Variants in MCF2 observed in about 807,000 individuals in gnomAD.
MCF2 encodes MCF.2 cell line derived transforming sequence.
In MCF2, 44 loss-of-function variants were observed where a neutral mutation model predicts 82.5. That is an observed-to-expected ratio of 0.53 (90% CI 0.42 to 0.69). The LOEUF is 0.69. Among genes scored for constraint, MCF2 ranks in the 30% least tolerant of loss-of-function variants. The pLI, the probability that MCF2 is intolerant of heterozygous loss-of-function variation, is 0.00. For synonymous variants in MCF2, 217 were observed against 224.9 expected, an observed-to-expected ratio of 0.96 and a Z score of 0.32; for missense variants, 623 against 663.1, an observed-to-expected ratio of 0.94 and a Z score of 0.66.
intron 5 of MCF2, 129 bp from the exon 9 acceptor site, chrX:139,626,436 G>A (rs996832411): frequency 3.2e-5 from 19 of 586,607 alleles, no homozygotes; most frequent in Non-Finnish European, 5.2e-5. Context: ...TCTACCTATA[G>A]AGACAACCAA....
intron 1 of MCF2, among the ~76,000 whole-genome samples, chrX:139,663,176 G>T (rs1404999124): frequency 8.9e-6 from 1 of 112,233 alleles, no homozygotes; most frequent in East Asian, 2.8e-4. Flanking sequence ...AGGATTGCTG[G>T]ATGAAATGGT....
At chrX:139,639,544 T>C (rs1168135967) in intron 1 of MCF2, among the ~76,000 whole-genome samples, 1 of 111,061 alleles carries the variant, frequency 9.0e-6, no homozygotes, top group African/African-American at 3.3e-5. Context: ...CTCTCATCTT[T>C]CCCTCCCAGA....
intron 19 of MCF2, among the ~76,000 whole-genome samples, chrX:139,593,163 A>G (rs1929671629): frequency 8.9e-6 from 1 of 111,937 alleles, no homozygotes; most frequent in Non-Finnish European, 1.9e-5. Context: ...TAGATTTTCT[A>G]GTTTATTTGC....
At chrX:139,598,277 C>A in intron 17 of MCF2, 129 bp downstream of exon 21, 1 of 443,124 alleles carries the variant, frequency 2.3e-6, no homozygotes, top group Admixed American at 4.2e-5. Context: ...AAAATTCTGC[C>A]AAATCCAGCC....
chrX:139,688,218 T>C (rs1935175081), intron 1 of MCF2, among the ~76,000 whole-genome samples: 1 of 111,908 alleles, frequency 8.9e-6, no homozygotes, highest in Non-Finnish European at 1.9e-5. Context: ...GAGGCAGCAC[T>C]GAATACAGCA....
intron 7 of MCF2, among the ~76,000 whole-genome samples, 198 bp downstream of exon 10, chrX:139,619,389 T>C (rs112127057): frequency 0.02 from 2,223 of 110,403 alleles, 59 homozygotes; most frequent in African/African-American, 0.068. Context: ...GTGTATACTG[T>C]TCGGGTGATG....
At chrX:139,669,666 T>A (rs911078899) in intron 1 of MCF2, among the ~76,000 whole-genome samples, 1 of 112,095 alleles carries the variant, frequency 8.9e-6, no homozygotes, top group Non-Finnish European at 1.9e-5. Flanking sequence ...AACTGTAGAA[T>A]GGGTAAACAA....
Position 139,587,791 on chromosome X carries a change from G to A in MCF2, c.2450-3C>T, listed in dbSNP as rs1401786591. ...ATCCTGTTGCTTTCTTTTTTTAACT[G>A]AGAAATAAAACAAAGCATATTATCA... On this transcript the variant is annotated splice_region_variant and splice_polypyrimidine_tract_variant and intron_variant, in intron 21 of 24. Coordinates refer to ENST00000370576, the Ensembl canonical transcript of MCF2. The A allele has an allele frequency of 4.4e-6, 5 of 1,147,500 alleles. No individual in the cohort carries two copies. The East Asian group carries it at 9.0e-5, about 21-fold the overall frequency. The allele number at this position is 1,147,500 out of a possible 1,213,427, so 94.6% of individuals were successfully genotyped here.
At chrX:139,611,187 A>T (rs1671794622) in intron 10 of MCF2, among the ~76,000 whole-genome samples, 1 of 111,751 alleles carries the variant, frequency 8.9e-6, no homozygotes, top group Admixed American at 9.5e-5. Flanking sequence ...TCCTCTCTCC[A>T]GGAAAGGAAC....
chrX:139,585,015 T>C (rs1343642495), intron 24 of MCF2, 51 bp downstream of exon 28: 1 of 889,006 alleles, frequency 1.1e-6, no homozygotes, highest in East Asian at 3.2e-5. Flanking sequence ...CCACCTATAT[T>C]TCATCAGTAA....
At chrX:139,666,561 G>A (rs1934526815) in intron 1 of MCF2, among the ~76,000 whole-genome samples, 2 of 111,407 alleles carry the variant, frequency 1.8e-5, no homozygotes, top group South Asian at 7.6e-4. Context: ...TGAAGTTTCT[G>A]CTGAGAAATC....
At chrX:139,699,952 C>A (rs1935455912) in intron 1 of MCF2, among the ~76,000 whole-genome samples, 1 of 111,814 alleles carries the variant, frequency 8.9e-6, no homozygotes, top group South Asian at 3.8e-4. Flanking sequence ...CTTTCCAAGG[C>A]CTCTTATTGT....
chrX:139,589,188 T>C (rs1406741670), intron 20 of MCF2, among the ~76,000 whole-genome samples: 4 of 111,897 alleles, frequency 3.6e-5, no homozygotes, highest in Non-Finnish European at 7.5e-5. Flanking sequence ...AAGATGTTTG[T>C]TAAATGATAC....
intron 1 of MCF2, among the ~76,000 whole-genome samples, chrX:139,699,441 A>T (rs1466770433): frequency 1.8e-5 from 2 of 112,137 alleles, no homozygotes; most frequent in Non-Finnish European, 3.8e-5. Context: ...AACCATCACA[A>T]TCTAATTTTA....
At chrX:139,694,665 T>G (rs1935345498) in intron 1 of MCF2, among the ~76,000 whole-genome samples, 1 of 111,664 alleles carries the variant, frequency 9.0e-6, no homozygotes, top group Non-Finnish European at 1.9e-5. Context: ...TGAGGATCTC[T>G]CCTACAGAAA....
rs144640348 is a variant in MCF2 at position 139,581,961 on chromosome X, C to T, written c.*510G>A. On this transcript the variant is annotated 3_prime_UTR_variant, in exon 25 of 25. Transcript: ENST00000370576. ...AAAATTTTATCTGGGCACATACAGA[C>T]AGTAGCCCTGAACAAAATTTACTCA... 1.7e-4 allele frequency: 21 copies of T among 123,021 alleles called. No homozygotes were observed. In the East Asian group the frequency reaches 5.5e-3, roughly 32 times the overall value. 10.1% of individuals were successfully genotyped at this position (123,021 alleles called of 1,213,427 possible). A position where few individuals can be genotyped will look rare whatever the true frequency, so the allele number is the denominator to read the frequency against.
intron 1 of MCF2, among the ~76,000 whole-genome samples, chrX:139,698,100 C>T (rs1308431355): frequency 1.8e-5 from 2 of 111,814 alleles, no homozygotes; most frequent in Admixed American, 1.9e-4. Flanking sequence ...CAGTGAGCCA[C>T]GATTGTGCCA....
chrX:139,642,954 T>C, upstream of MCF2: 1 of 370,510 alleles, frequency 2.7e-6, no homozygotes, highest in Non-Finnish European at 3.6e-6. Context: ...CTAAGAATCT[T>C]TGTGAAGGTA....
At chrX:139,659,321 A>G (rs1489998615) in intron 1 of MCF2, among the ~76,000 whole-genome samples, 1 of 111,352 alleles carries the variant, frequency 9.0e-6, no homozygotes, top group Admixed American at 9.5e-5. Flanking sequence ...TTAAAAAAAA[A>G]ACTATTTCTC....
Sources: gnomAD v4.1 joint callset for allele counts (sites outside exome capture counted in the v4.1 genomes callset) on GRCh38, gnomAD v4.1.1 for gene constraint, MANE v1.5 for transcripts, NCBI Gene and HGNC (gene_info 2026-07-23, HGNC 2026-07-21) for gene names.